The following NRXN3 variants were observed in gnomAD, a reference collection of about 807,000 sequenced individuals.
NRXN3 encodes neurexin 3, also known as neurexin III.
Under a neutral mutation model 137.6 loss-of-function variants are expected in NRXN3, and 32 were observed. That is an observed-to-expected ratio of 0.23 (90% confidence interval 0.18 to 0.31). The LOEUF is 0.31. NRXN3 is among the 10% of genes least tolerant of loss of function. The pLI, the probability that NRXN3 is intolerant of heterozygous loss-of-function variation, is 1.00. For missense variants in NRXN3, 1,574 were observed against 2,062.5 expected (o/e 0.76, Z 4.59); for synonymous variants, 798 against 784.5 (o/e 1.02, Z -0.29).
chr14:78,863,783 CT>C (rs1245547549), intron 10 of NRXN3, among the ~76,000 whole-genome samples: 1 of 152,080 alleles, frequency 6.6e-6, no homozygotes, highest in Non-Finnish European at 1.5e-5. Context: ...GCGTGGACTT[CT>C]TTGTCACTTT....
intron 4 of NRXN3, among the ~76,000 whole-genome samples, chr14:78,313,525 A>G (rs1348448645): frequency 2.0e-5 from 3 of 151,908 alleles, no homozygotes; most frequent in East Asian, 3.8e-4. Flanking sequence ...GTTTAAATAC[A>G]TTTCTGAATG....
rs368094576 is a variant in NRXN3, at chr14:78,951,912, T to C, written c.2276-5330T>C. On this transcript the variant is annotated intron_variant, in intron 10 of 20. Transcript: ENST00000335750. ...GGAGAAAGAGGTGAGTAGTCCATCG[T>C]TGAACTTGTTATATGTGGCAGTCTC... Among the ~76,000 whole-genome samples, 564 of 152,292 alleles carry C rather than the reference T, an allele frequency of 3.7e-3. 1 individual carries two copies. The highest frequency in any genetic ancestry group is 0.013 in the African/African-American group (534 of 41,554).
At chr14:78,633,031 T>C (rs1008257073) in intron 4 of NRXN3, among the ~76,000 whole-genome samples, 4 of 151,642 alleles carry the variant, frequency 2.6e-5, no homozygotes, top group Middle Eastern at 6.3e-3. Context: ...GTCAGGAGAT[T>C]GAGACCATCC....
In NRXN3 at chr14:79,861,340, A is replaced by T; in HGVS notation, c.4094-2A>T. 1 of 1,536,126 alleles carries T rather than the reference A, an allele frequency of 6.5e-7. No homozygotes were observed. Among genetic ancestry groups the T allele is most frequent in the Admixed American group, 2.0e-5 (1 of 51,000 alleles). ...TTTACACCACCTTCTCCTTGGTAACAGATAAGAGTCTTTCCACTTCAATCT... is the reference window on the plus strand; with the variant it reads ...TTTACACCACCTTCTCCTTGGTAACTGATAAGAGTCTTTCCACTTCAATCT... On this transcript the variant is annotated splice_acceptor_variant, in intron 20 of 20. Transcript: ENST00000335750. LOFTEE classifies it high-confidence loss of function. This position sits in a 1 kb window ranked among gnomAD's most constrained non-coding sequence, Gnocchi z 5.4.
At chr14:78,636,143 G>C (rs2097564924) in intron 4 of NRXN3, among the ~76,000 whole-genome samples, 1 of 152,116 alleles carries the variant, frequency 6.6e-6, no homozygotes, top group Non-Finnish European at 1.5e-5. Context: ...ATAGACATAA[G>C]AGTCAAATCA....
chr14:79,742,973 T>A (rs1426952087), intron 19 of NRXN3, among the ~76,000 whole-genome samples: 2 of 152,090 alleles, frequency 1.3e-5, no homozygotes, highest in African/African-American at 4.8e-5. Context: ...TATAATAAAA[T>A]AAGCAGGCAA....
In NRXN3 at chr14:78,717,342, G is replaced by C. The variant is rs566100530; in HGVS notation, c.2044+2203G>C. 3.3e-5 allele frequency among the ~76,000 whole-genome samples: 5 copies of C among 152,274 alleles called. No homozygotes were observed. In the East Asian group the frequency reaches 9.6e-4, roughly 29 times the overall value. Reference sequence around the variant, plus strand: ...CTAGTCATTAAAAGGCAGCTGATTGGGGATATATGAGGGACAATTATTCTT... The same window carrying C: ...CTAGTCATTAAAAGGCAGCTGATTGCGGATATATGAGGGACAATTATTCTT... On this transcript the variant is annotated intron_variant, in intron 8 of 20. Coordinates refer to ENST00000335750, the MANE Select transcript of NRXN3 (RefSeq NM_001330195.2).
intron 1 of NRXN3, among the ~76,000 whole-genome samples, chr14:78,239,958 C>T (rs745759159): frequency 6.6e-6 from 1 of 152,218 alleles, no homozygotes; most frequent in Non-Finnish European, 1.5e-5. Flanking sequence ...CCCACCTCGG[C>T]CTCCCAAAGT....
chr14:79,600,017 A>G (rs2097905554), intron 16 of NRXN3, among the ~76,000 whole-genome samples: 1 of 152,204 alleles, frequency 6.6e-6, no homozygotes, highest in Non-Finnish European at 1.5e-5. Flanking sequence ...AAATAAGTAA[A>G]TAAAAATAAA....
intron 15 of NRXN3, among the ~76,000 whole-genome samples, chr14:79,159,968 G>T (rs117437603): frequency 4.0e-5 from 6 of 151,810 alleles, no homozygotes; most frequent in Non-Finnish European, 5.9e-5. Context: ...AAATCTCAAT[G>T]GAAATTGAAG....
chr14:79,040,895 A>G (rs371313699), intron 15 of NRXN3, among the ~76,000 whole-genome samples: 58 of 152,194 alleles, frequency 3.8e-4, no homozygotes, highest in East Asian at 2.3e-3. Context: ...ATGTCTGGGC[A>G]AGTCACCTGT....
At chr14:78,885,528 CTTCT>C (rs1420469019) in intron 10 of NRXN3, among the ~76,000 whole-genome samples, 1 of 152,060 alleles carries the variant, frequency 6.6e-6, no homozygotes, top group Non-Finnish European at 1.5e-5. Context: ...TGAATAACAG[CTTCT>C]TTGACCACCC....
intron 4 of NRXN3, among the ~76,000 whole-genome samples, chr14:78,314,597 C>T (rs543306916): frequency 5.8e-4 from 89 of 152,288 alleles, no homozygotes; most frequent in Non-Finnish European, 1.1e-3. Flanking sequence ...AACTCAGTCA[C>T]GTAATCCCAT....
intron 17 of NRXN3, among the ~76,000 whole-genome samples, chr14:79,676,592 G>A (rs1175789589): frequency 2.0e-5 from 3 of 151,858 alleles, no homozygotes; most frequent in African/African-American, 7.2e-5. Flanking sequence ...ATACGACAAA[G>A]AAGAAAGAAA....
At chr14:79,381,104 G>T (rs1157847778) in intron 15 of NRXN3, among the ~76,000 whole-genome samples, 2 of 151,920 alleles carry the variant, frequency 1.3e-5, no homozygotes, top group African/African-American at 4.8e-5. Context: ...GGTTCTATTA[G>T]GTGTTAACAG....
intron 4 of NRXN3, among the ~76,000 whole-genome samples, chr14:78,490,249 AC>A (rs1409257054): frequency 4.3e-5 from 4 of 93,064 alleles, no homozygotes; most frequent in Admixed American, 1.0e-4. Context: ...GATCCACCAC[AC>A]CCGGCCTGAG....
chr14:78,730,219 T>C (rs2098508508), intron 8 of NRXN3, among the ~76,000 whole-genome samples: 1 of 152,290 alleles, frequency 6.6e-6, no homozygotes, highest in South Asian at 2.1e-4. Context: ...GAAGCAGGCT[T>C]ATGCATCTGA....
At chr14:79,369,147 G>A (rs1227288656) in intron 15 of NRXN3, among the ~76,000 whole-genome samples, 1 of 152,178 alleles carries the variant, frequency 6.6e-6, no homozygotes, top group Non-Finnish European at 1.5e-5. Flanking sequence ...TGATGATGTA[G>A]GAAGTTCCAA....
chr14:78,215,213 C>G (rs1051324307), intron 1 of NRXN3, among the ~76,000 whole-genome samples: 3 of 152,172 alleles, frequency 2.0e-5, no homozygotes, highest in Non-Finnish European at 4.4e-5. Context: ...GGCCCTCTCC[C>G]CCTGACCCTG....
Sources: allele counts gnomAD v4.1 joint callset (sites outside exome capture counted in the v4.1 genomes callset), GRCh38; gene constraint gnomAD v4.1.1; non-coding constraint Gnocchi (gnomAD v3.1); transcripts MANE v1.5; gene names NCBI Gene and HGNC (gene_info 2026-07-23, HGNC 2026-07-21).